MACROD2: variants seen among roughly 807,000 people sequenced by gnomAD.
The protein encoded by MACROD2 is mono-ADP ribosylhydrolase 2, also known as ADP-ribose glycohydrolase MACROD2.
Under a neutral mutation model 70.4 loss-of-function variants are expected in MACROD2, and 36 were observed. The observed-to-expected ratio is 0.51, with a 90% CI of 0.39 to 0.68. The LOEUF (loss-of-function observed/expected upper bound fraction) is 0.68. Among genes scored for constraint, MACROD2 ranks in the 30% least tolerant of loss-of-function variants. The pLI, the probability that MACROD2 is intolerant of heterozygous loss-of-function variation, is 0.00. For missense variants in MACROD2, 496 were observed against 538.4 expected (o/e 0.92, Z 0.78); for synonymous variants, 172 against 178.8 (o/e 0.96, Z 0.30).
At chr20:15,683,350 C>CT (rs1230016926) in intron 8 of MACROD2, among the ~76,000 whole-genome samples, 4 of 151,970 alleles carry the variant, frequency 2.6e-5, no homozygotes, top group Non-Finnish European at 4.4e-5. Context: ...TTCAATCTCT[C>CT]TTTTTTTTGA....
chr20:14,780,422 C>T (rs149875627), intron 5 of MACROD2, among the ~76,000 whole-genome samples: 2,296 of 151,894 alleles, frequency 0.015, 58 homozygotes, highest in African/African-American at 0.046. Context: ...CTTAGTCGGG[C>T]GTGGTGACGC....
At chr20:15,798,555 C>G (rs1475706016) in intron 8 of MACROD2, among the ~76,000 whole-genome samples, 2 of 152,200 alleles carry the variant, frequency 1.3e-5, no homozygotes, top group African/African-American at 4.8e-5. Context: ...AAGTAAGTCA[C>G]AAGCCTGCTC....
chr20:15,771,032 C>A (rs1280968938), intron 8 of MACROD2, among the ~76,000 whole-genome samples: 1 of 152,114 alleles, frequency 6.6e-6, no homozygotes, highest in African/African-American at 2.4e-5. Context: ...GAACAATAAT[C>A]CAATTTTCCA....
At chr20:14,349,820 T>C in intron 3 of MACROD2, among the ~76,000 whole-genome samples, 1 of 149,050 alleles carries the variant, frequency 6.7e-6, no homozygotes, top group Non-Finnish European at 1.5e-5. Flanking sequence ...TTTTCTTTTT[T>C]TTTTTTTTTT....
At chr20:15,147,858 GGTT>G (rs1384078696) in intron 5 of MACROD2, among the ~76,000 whole-genome samples, 3 of 152,056 alleles carry the variant, frequency 2.0e-5, no homozygotes, top group African/African-American at 4.8e-5. Context: ...GAAAAAGGGG[GGTT>G]GTTCTCTGGC....
At chr20:14,725,783 C>G (rs985588747) in intron 5 of MACROD2, among the ~76,000 whole-genome samples, 1 of 152,140 alleles carries the variant, frequency 6.6e-6, no homozygotes, top group Non-Finnish European at 1.5e-5. Context: ...TATTCATCCT[C>G]CAACCCCCAT....
At chr20:15,969,909 A>G (rs1568676050) in intron 13 of MACROD2, among the ~76,000 whole-genome samples, 3 of 150,542 alleles carry the variant, frequency 2.0e-5, no homozygotes, top group Non-Finnish European at 4.4e-5. Context: ...TAGTAAATAA[A>G]TAAATAATAG....
At position 15,972,823 on chromosome 20, in the gene MACROD2, GA is replaced by G. The variant is rs949780420; in HGVS notation, c.985+5203del. 2.7e-3 allele frequency among the ~76,000 whole-genome samples: 363 copies of G among 132,172 alleles called. 2 individuals carry two copies. Among genetic ancestry groups the G allele is most frequent in the African/African-American group, 9.1e-3 (324 of 35,774 alleles). 86.7% of individuals were successfully genotyped at this position (132,172 alleles called of 152,430 possible). A position where few individuals can be genotyped will look rare whatever the true frequency, so the allele number is the denominator to read the frequency against. On this transcript the variant is annotated intron_variant, in intron 13 of 17. Coordinates refer to ENST00000684519, the MANE Select transcript of MACROD2 (RefSeq NM_001351661.2). ...GACAGAGCAAGACTCTGTCAAAAAA[GA>G]AAAAAAAAAGATAAATAAAAGGTCC... is the stretch of plus-strand genomic sequence containing the variant.
At chr20:16,025,867 C>T (rs182313213) in intron 15 of MACROD2, among the ~76,000 whole-genome samples, 22 of 152,010 alleles carry the variant, frequency 1.4e-4, no homozygotes, top group South Asian at 2.1e-4. Flanking sequence ...GAGAATTGGC[C>T]GGGCATGGTG....
chr20:14,390,068 T>C (rs1310919496), intron 3 of MACROD2, among the ~76,000 whole-genome samples: 1 of 152,186 alleles, frequency 6.6e-6, no homozygotes, highest in Non-Finnish European at 1.5e-5. Context: ...ACAAAATCAA[T>C]GTGTAAAAAT....
rs6043435 is a variant in MACROD2, at chr20:15,681,108, C to A, written c.645+181261C>A. Reference sequence around the variant, plus strand: ...ATGAAGTGAAAACGTCCACTCCAATCTTCTTACCAAGGTACAGGCAAGTGT... The same window carrying A: ...ATGAAGTGAAAACGTCCACTCCAATATTCTTACCAAGGTACAGGCAAGTGT... On this transcript the variant is annotated intron_variant, in intron 8 of 17. Transcript: ENST00000684519. Among the ~76,000 whole-genome samples the A allele has an allele frequency of 8.2e-3, 1,255 of 152,312 alleles. 20 individuals are homozygous for A. Among genetic ancestry groups the A allele is most frequent in the African/African-American group, 0.028 (1,162 of 41,560 alleles).
At chr20:14,344,618 A>C (rs2083046296) in intron 3 of MACROD2, among the ~76,000 whole-genome samples, 1 of 152,184 alleles carries the variant, frequency 6.6e-6, no homozygotes, top group South Asian at 2.1e-4. Context: ...TAGGTTTCCT[A>C]TGTGGATTTA....
Position 14,230,654 on chromosome 20 carries a change from T to TATATATATATAAAAAAAA in MACROD2, c.271+144927_271+144928insTATATATATAAAAAAAAA. Among the ~76,000 whole-genome samples, 6 of 74,244 alleles carry TATATATATATAAAAAAAA rather than the reference T, an allele frequency of 8.1e-5. No individual in the cohort carries two copies. The East Asian group carries it at 2.9e-3, about 36-fold the overall frequency. The allele number at this position is 74,244 out of a possible 152,430, so 48.7% of individuals were successfully genotyped here. Reference sequence around the variant, plus strand: ...GTTTATATATATATATATATATATATAACACAGGCTGGGCCTATATATATA... The same window carrying TATATATATATAAAAAAAA: ...GTTTATATATATATATATATATATATATATATATATAAAAAAAAAACACAGGCTGGGCCTATATATATA... On this transcript the variant is annotated intron_variant, in intron 3 of 17. Coordinates refer to ENST00000684519, the MANE Select transcript of MACROD2 (RefSeq NM_001351661.2).
rs193009740 is a variant in MACROD2, at chr20:14,509,146, T to G, written c.301+15638T>G. Among the ~76,000 whole-genome samples the G allele has an allele frequency of 2.0e-3, 305 of 152,216 alleles. 3 individuals are homozygous for G. Among genetic ancestry groups the G allele is most frequent in the Admixed American group, 0.019 (286 of 15,288 alleles). ...TATACAAATCAAAAGAACCATAAGC[T>G]ATTGTAGAAAAAGGAAGGATACTTT... On this transcript the variant is annotated intron_variant, in intron 4 of 17. Transcript: ENST00000684519.
At position 15,976,607 on chromosome 20, in the gene MACROD2, A is replaced by G. The variant is rs117774638; in HGVS notation, c.985+8977A>G. ...GCCCTGGGAGGAGTCATTAACACAC[A>G]GCAGGCCTGGGTGCGGTGCAAGGCA... is the stretch of plus-strand genomic sequence containing the variant. On this transcript the variant is annotated intron_variant, in intron 13 of 17. Transcript: ENST00000684519. Among the ~76,000 whole-genome samples, 42 of 152,348 alleles carry G rather than the reference A, an allele frequency of 2.8e-4. 1 individual carries two copies. The East Asian group carries it at 8.1e-3, about 29-fold the overall frequency.
chr20:15,160,492 A>G (rs995581387), intron 5 of MACROD2, among the ~76,000 whole-genome samples: 1 of 152,038 alleles, frequency 6.6e-6, no homozygotes, highest in Non-Finnish European at 1.5e-5. Context: ...TTGTCCTTTG[A>G]CCCTACTTTT....
At chr20:14,957,097 T>A (rs1278979273) in intron 5 of MACROD2, among the ~76,000 whole-genome samples, 1 of 152,134 alleles carries the variant, frequency 6.6e-6, no homozygotes, top group Admixed American at 6.6e-5. Flanking sequence ...ACATTATCAA[T>A]GATTTTTTTT....
chr20:14,677,542 G>T lies in MACROD2; in HGVS notation c.302-7301G>T, dbSNP rs546402852. Among the ~76,000 whole-genome samples, 27 of 152,268 alleles carry T rather than the reference G, an allele frequency of 1.8e-4. 1 individual carries two copies. The highest frequency in any genetic ancestry group is 1.8e-3 in the Admixed American group (27 of 15,294). On this transcript the variant is annotated intron_variant, in intron 4 of 17. Coordinates refer to ENST00000684519, the MANE Select transcript of MACROD2 (RefSeq NM_001351661.2). Reference sequence around the variant, plus strand: ...TAACCATCTGCCTGCAAGCATTTTGGCCTTCTTATCAGGGTGGTAAATGAC... The same window carrying T: ...TAACCATCTGCCTGCAAGCATTTTGTCCTTCTTATCAGGGTGGTAAATGAC...
chr20:14,286,299 A>G (rs2122426076), intron 3 of MACROD2, among the ~76,000 whole-genome samples: 1 of 152,116 alleles, frequency 6.6e-6, no homozygotes, highest in African/African-American at 2.4e-5. Context: ...TCTGTGCTTT[A>G]GTTTTTCATT....
Sources: allele counts gnomAD v4.1 joint callset (sites outside exome capture counted in the v4.1 genomes callset), GRCh38; gene constraint gnomAD v4.1.1; transcripts MANE v1.5; gene names NCBI Gene and HGNC (gene_info 2026-07-23, HGNC 2026-07-21).